Variants in RIPOR2 observed in about 807,000 individuals in gnomAD.
The protein encoded by RIPOR2 is RHO family interacting cell polarization regulator 2.
RIPOR2 carries 39 observed loss-of-function variants against 114.5 expected under a neutral mutation model. The observed-to-expected ratio is 0.34, with a 90% CI of 0.26 to 0.44. The LOEUF (loss-of-function observed/expected upper bound fraction) is 0.44. Ranked by LOEUF, RIPOR2 falls within the 20% of genes least tolerant of loss-of-function variation. RIPOR2 has a pLI of 1.00. For synonymous variants in RIPOR2, 445 were observed against 484.4 expected (o/e 0.92, Z 1.07); for missense variants, 1,007 against 1,255.1 (o/e 0.80, Z 2.99).
intron 13 of RIPOR2, chr6:24,840,447 G>A: frequency 7.7e-7 from 1 of 1,299,650 alleles, no homozygotes; most frequent in Admixed American, 3.3e-5. Context: ...AACATTACAA[G>A]CAAAACAATG....
chr6:25,031,606 GA>G (rs1263527626), intron 1 of RIPOR2, among the ~76,000 whole-genome samples: 1 of 146,504 alleles, frequency 6.8e-6, no homozygotes, highest in Non-Finnish European at 1.5e-5. Flanking sequence ...AAAGTATACA[GA>G]TGTCTGCAAT....
At chr6:24,847,995 A>T in intron 12 of RIPOR2, 30 bp downstream of exon 12, 1 of 1,613,636 alleles carries the variant, frequency 6.2e-7, no homozygotes, top group Non-Finnish European at 8.5e-7. Context: ...AGGTGCATTG[A>T]TTCTACTCGG....
chr6:24,885,072 T>C (rs13192978), intron 1 of RIPOR2, among the ~76,000 whole-genome samples: 19,402 of 152,108 alleles, frequency 0.13, 1,810 homozygotes, highest in African/African-American at 0.27. Flanking sequence ...TTGTCCAAGA[T>C]CCAAAGACAA....
At chr6:24,849,663 G>A in intron 11 of RIPOR2, 139 bp downstream of exon 11, 1 of 716,116 alleles carries the variant, frequency 1.4e-6, no homozygotes, top group Non-Finnish European at 2.4e-6. Context: ...TTCTGACACA[G>A]TAGTCCTGGG....
rs529272005 is a variant in RIPOR2 at position 24,806,106 on chromosome 6, C to G, written c.*267G>C. On this transcript the variant is annotated 3_prime_UTR_variant, in exon 22 of 22. Transcript: ENST00000643898. Reference sequence around the variant, plus strand: ...CTGGGACTACAGGTGCATGCCACCACGCCTGACTAATTAAACTATTTTTTT... The same window carrying G: ...CTGGGACTACAGGTGCATGCCACCAGGCCTGACTAATTAAACTATTTTTTT... The G allele has an allele frequency of 2.5e-5, 10 of 407,754 alleles. No homozygotes were observed. Among genetic ancestry groups the G allele is most frequent in the Admixed American group, 9.3e-5 (2 of 21,468 alleles). 25.3% of individuals were successfully genotyped at this position (407,754 alleles called of 1,614,324 possible).
At chr6:24,856,750 G>A (rs570303531) in intron 8 of RIPOR2, among the ~76,000 whole-genome samples, 3 of 152,214 alleles carry the variant, frequency 2.0e-5, no homozygotes, top group African/African-American at 7.2e-5. Context: ...GCGAAACTCT[G>A]TCTCAAAAAC....
intron 1 of RIPOR2, among the ~76,000 whole-genome samples, chr6:24,986,553 CTG>C (rs920380730): frequency 6.6e-6 from 1 of 151,800 alleles, no homozygotes; most frequent in African/African-American, 2.4e-5. Flanking sequence ...AAAAAAGAAA[CTG>C]AAATATTGCT....
intron 1 of RIPOR2, among the ~76,000 whole-genome samples, chr6:24,958,986 C>G (rs1205314313): frequency 7.8e-6 from 1 of 128,754 alleles, no homozygotes; most frequent in African/African-American, 3.3e-5. Context: ...GGGTCTCACC[C>G]TGTCGCCCAG....
intron 12 of RIPOR2, among the ~76,000 whole-genome samples, chr6:24,846,260 T>G (rs1305960016): frequency 6.6e-6 from 1 of 151,328 alleles, no homozygotes; most frequent in African/African-American, 2.4e-5. Flanking sequence ...CCATTTTCCC[T>G]GAAAACTCCA....
intron 1 of RIPOR2, among the ~76,000 whole-genome samples, chr6:24,989,416 C>A (rs1373617370): frequency 1.3e-5 from 2 of 151,788 alleles, no homozygotes; most frequent in Non-Finnish European, 2.9e-5. Flanking sequence ...CTGCCTCAGC[C>A]TCCTGAGTAG....
At chr6:24,872,767 C>T in intron 4 of RIPOR2, 114 bp downstream of exon 4, 1 of 693,638 alleles carries the variant, frequency 1.4e-6, no homozygotes, top group Non-Finnish European at 2.6e-6. Flanking sequence ...GCAGATAGTA[C>T]TCTGCCCCTT....
At position 24,873,806 on chromosome 6, in the gene RIPOR2, A is replaced by G; in HGVS notation, c.189-7T>C. On this transcript the variant is annotated splice_region_variant and splice_polypyrimidine_tract_variant and intron_variant, in intron 2 of 21. Coordinates refer to ENST00000643898, the MANE Select transcript of RIPOR2 (RefSeq NM_001286445.3). ...TTCAATGAAGGAGTTACACCTATGG[A>G]AAGAACAGAAGAAATTGTGAGGATT... 6.3e-7 allele frequency: 1 copy of G among 1,598,222 alleles called. No individual in the cohort carries two copies. Among genetic ancestry groups the G allele is most frequent in the Non-Finnish European group, 8.5e-7 (1 of 1,175,608 alleles).
chr6:25,028,323 A>G (rs998045120), intron 1 of RIPOR2, among the ~76,000 whole-genome samples: 1 of 152,092 alleles, frequency 6.6e-6, no homozygotes, highest in Non-Finnish European at 1.5e-5. Flanking sequence ...CATTTTCTGA[A>G]TAGAGAGGGT....
At chr6:24,828,670 G>T (rs1254538731) in intron 17 of RIPOR2, among the ~76,000 whole-genome samples, 1 of 151,846 alleles carries the variant, frequency 6.6e-6, no homozygotes, top group Non-Finnish European at 1.5e-5. Context: ...CCAGTCTATA[G>T]CTACCCTTCC....
chr6:24,853,308 A>T (rs1243349699), intron 8 of RIPOR2, among the ~76,000 whole-genome samples: 1 of 152,186 alleles, frequency 6.6e-6, no homozygotes, highest in Non-Finnish European at 1.5e-5. Context: ...TCGATTCGAG[A>T]TCTCTCTCTG....
At chr6:24,971,707 G>A (rs1396238488) in intron 1 of RIPOR2, among the ~76,000 whole-genome samples, 1 of 152,220 alleles carries the variant, frequency 6.6e-6, no homozygotes, top group Non-Finnish European at 1.5e-5. Flanking sequence ...AAACTTTGGA[G>A]CTAGATGGAA....
At chr6:24,992,206 G>A (rs1774855393) in intron 1 of RIPOR2, among the ~76,000 whole-genome samples, 1 of 152,118 alleles carries the variant, frequency 6.6e-6, no homozygotes, top group Non-Finnish European at 1.5e-5. Flanking sequence ...CCTTCCTTTG[G>A]AGTCCACTTG....
rs78897162 is a variant in RIPOR2 at position 25,030,026 on chromosome 6, C to T, written c.76+11825G>A. 9.4e-3 allele frequency among the ~76,000 whole-genome samples: 1,433 copies of T among 152,038 alleles called. 26 individuals are homozygous for T. Among genetic ancestry groups the T allele is most frequent in the African/African-American group, 0.033 (1,358 of 41,456 alleles). ...AACCTAGTGGGACTCGTGGTTCCTCCATAACTTGGTCTTAGCATGACAGGA... is the reference window on the plus strand; with the variant it reads ...AACCTAGTGGGACTCGTGGTTCCTCTATAACTTGGTCTTAGCATGACAGGA... On this transcript the variant is annotated intron_variant, in intron 1 of 13. Coordinates refer to the RIPOR2 transcript ENST00000510784.
intron 1 of RIPOR2, among the ~76,000 whole-genome samples, chr6:24,902,954 A>G (rs944244284): frequency 1.2e-4 from 18 of 152,182 alleles, no homozygotes; most frequent in African/African-American, 4.3e-4. Flanking sequence ...AAACCAATCT[A>G]GTTATTTATT....
Sources: allele counts gnomAD v4.1 joint callset (sites outside exome capture counted in the v4.1 genomes callset), GRCh38; gene constraint gnomAD v4.1.1; transcripts MANE v1.5; gene names NCBI Gene and HGNC (gene_info 2026-07-23, HGNC 2026-07-21).